Variants in SORCS2 observed in about 807,000 individuals in gnomAD.
The protein encoded by SORCS2 is VPS10 domain-containing receptor SorCS2.
A neutral mutation model predicts 141.6 loss-of-function variants in SORCS2; 100 were observed. That is an observed-to-expected ratio of 0.71 (90% CI 0.60 to 0.83). The LOEUF (loss-of-function observed/expected upper bound fraction) is 0.83. SORCS2 is among the 40% of genes least tolerant of loss of function. The pLI is 0.00. For synonymous variants in SORCS2, 789 were observed against 676.9 expected (o/e 1.17, Z -2.57); for missense variants, 1,646 against 1,560.2 (o/e 1.05, Z -0.93).
chr4:7,696,973 C>T (rs1560491704), intron 11 of SORCS2, among the ~76,000 whole-genome samples: 1 of 152,208 alleles, frequency 6.6e-6, no homozygotes, highest in Non-Finnish European at 1.5e-5. Flanking sequence ...TGTCCCGGGC[C>T]TCTGCTGGAG....
intron 2 of SORCS2, among the ~76,000 whole-genome samples, chr4:7,407,014 T>A (rs1330473655): frequency 6.6e-6 from 1 of 152,158 alleles, no homozygotes. Flanking sequence ...TGTAATTGAT[T>A]TCTAGTTTTA....
intron 2 of SORCS2, among the ~76,000 whole-genome samples, chr4:7,416,970 A>T (rs1256499686): frequency 6.6e-6 from 1 of 151,974 alleles, no homozygotes. Context: ...CCACACACCC[A>T]TGCCTCTGCC....
chr4:7,319,715 A>G (rs149529414), intron 1 of SORCS2, among the ~76,000 whole-genome samples: 6 of 152,280 alleles, frequency 3.9e-5, no homozygotes, highest in African/African-American at 7.2e-5. Context: ...CCCCACCTCT[A>G]AAAAAACAAA....
intron 1 of SORCS2, among the ~76,000 whole-genome samples, chr4:7,203,966 C>A (rs1282601490): frequency 1.3e-5 from 2 of 152,194 alleles, no homozygotes; most frequent in Non-Finnish European, 2.9e-5. Context: ...TGAAGGTTTG[C>A]CCAGGCTGTA....
intron 1 of SORCS2, among the ~76,000 whole-genome samples, chr4:7,366,131 A>G (rs1351259998): frequency 6.6e-6 from 1 of 152,098 alleles, no homozygotes; most frequent in East Asian, 1.9e-4. Flanking sequence ...GGCTCCCCGC[A>G]CATCCCTGCC....
chr4:7,192,981 C>A lies in SORCS2; in HGVS notation c.335C>A (p.Ala112Glu). The A allele has an allele frequency of 7.1e-7, 1 of 1,400,732 alleles. No homozygotes were observed. Among genetic ancestry groups the A allele is most frequent in the South Asian group, 1.5e-5 (1 of 64,702 alleles). The allele number at this position is 1,400,732 out of a possible 1,614,324, so 86.8% of individuals were successfully genotyped here. Reference protein sequence around the residue: ...PGPGEDGAPAAGYRRWERAAP... With the variant: ...PGPGEDGAPAEGYRRWERAAP... ...CCCGGCGAGGACGGCGCCCCCGCCG[C>A]GGGCTACCGGCGCTGGGAGCGGGCG... Residue 112 changes from alanine to glutamate, a missense_variant, in exon 1 of 27, where the codon GCG becomes GAG. Physicochemically the swap from Ala to Glu is moderately radical, Grantham distance 107. Transcript: ENST00000507866. The surrounding 1 kb of genome is among the most constrained non-coding windows in gnomAD (Gnocchi z 4.0).
Position 7,513,358 on chromosome 4 carries a change from G to A in SORCS2, c.549-18172G>A, listed in dbSNP as rs1343451891. Reference sequence around the variant, plus strand: ...TGCCCCCCAACCCTGCAGAGGTGGGGCTGCTGGAAGAAGCTCCCCAGAGGG... The same window carrying A: ...TGCCCCCCAACCCTGCAGAGGTGGGACTGCTGGAAGAAGCTCCCCAGAGGG... On this transcript the variant is annotated intron_variant, in intron 2 of 26. Transcript: ENST00000507866. 2.0e-5 allele frequency among the ~76,000 whole-genome samples: 3 copies of A among 152,218 alleles called. No homozygotes were observed. In the East Asian group the frequency reaches 5.8e-4, roughly 29 times the overall value.
At chr4:7,225,496 T>G (rs545122694) in intron 1 of SORCS2, among the ~76,000 whole-genome samples, 1 of 152,338 alleles carries the variant, frequency 6.6e-6, no homozygotes, top group South Asian at 2.1e-4. Context: ...CTCTCTCTGT[T>G]GTTCTGAACC....
chr4:7,389,130 T>C (rs1399329660), intron 1 of SORCS2, among the ~76,000 whole-genome samples: 1 of 152,176 alleles, frequency 6.6e-6, no homozygotes, highest in Non-Finnish European at 1.5e-5. Context: ...GAACAAATTC[T>C]GTTCCTGCCC....
intron 3 of SORCS2, among the ~76,000 whole-genome samples, chr4:7,564,784 A>G (rs1425714084): frequency 6.6e-6 from 1 of 152,240 alleles, no homozygotes; most frequent in African/African-American, 2.4e-5. Flanking sequence ...CGCTGTTACA[A>G]TGAGTATTAC....
At chr4:7,261,433 G>A (rs1714312904) in intron 1 of SORCS2, among the ~76,000 whole-genome samples, 1 of 152,178 alleles carries the variant, frequency 6.6e-6, no homozygotes, top group South Asian at 2.1e-4. Context: ...CGTGGCCAAG[G>A]CATGAGATTA....
At chr4:7,688,728 T>C (rs764897501) in intron 10 of SORCS2, among the ~76,000 whole-genome samples, 63 of 152,188 alleles carry the variant, frequency 4.1e-4, no homozygotes, top group Admixed American at 2.0e-4. Context: ...TTAGGAAGGC[T>C]GAGCCCAGAG....
At chr4:7,524,585 G>GTT (rs71647611) in intron 2 of SORCS2, among the ~76,000 whole-genome samples, 8 of 144,864 alleles carry the variant, frequency 5.5e-5, no homozygotes, top group Non-Finnish European at 1.1e-4. Flanking sequence ...TGTGGGTTTT[G>GTT]TTTTTTTTTT....
At chr4:7,527,245 G>A (rs1733752929) in intron 2 of SORCS2, among the ~76,000 whole-genome samples, 3 of 152,220 alleles carry the variant, frequency 2.0e-5, no homozygotes, top group African/African-American at 4.8e-5. Flanking sequence ...TCCCACAGAC[G>A]TCCACGTCCT....
chr4:7,606,774 C>T (rs1416632835), intron 3 of SORCS2, among the ~76,000 whole-genome samples: 3 of 151,942 alleles, frequency 2.0e-5, no homozygotes, highest in Non-Finnish European at 2.9e-5. Flanking sequence ...GGGTGGGTGA[C>T]GATGCCATCA....
At chr4:7,364,426 G>C (rs1455515008) in intron 1 of SORCS2, among the ~76,000 whole-genome samples, 1 of 152,188 alleles carries the variant, frequency 6.6e-6, no homozygotes, top group Non-Finnish European at 1.5e-5. Context: ...GCTGGATCCA[G>C]AGTTCTTGCA....
At chr4:7,339,771 G>A (rs530584102) in intron 1 of SORCS2, among the ~76,000 whole-genome samples, 5 of 152,280 alleles carry the variant, frequency 3.3e-5, no homozygotes, top group Non-Finnish European at 7.3e-5. Flanking sequence ...CCCATAAGAG[G>A]GAGAAAGCGA....
intron 1 of SORCS2, among the ~76,000 whole-genome samples, chr4:7,373,478 A>ATATATATATATATATATATTTTT (rs1470691140): frequency 2.7e-5 from 1 of 36,816 alleles, no homozygotes; most frequent in Non-Finnish European, 4.1e-5. Context: ...ATATATATAT[A>ATATATATATATATATATATTTTT]TTTTTTTTTT....
chr4:7,737,300 C>T (rs1712266734), intron 26 of SORCS2, 128 bp downstream of exon 26: 2 of 1,392,026 alleles, frequency 1.4e-6, no homozygotes, highest in Non-Finnish European at 1.9e-6. Context: ...CCCAGCAGCC[C>T]TTGCCAGCGG....
Sources: gnomAD v4.1 joint callset for allele counts (sites outside exome capture counted in the v4.1 genomes callset) on GRCh38, gnomAD v4.1.1 for gene constraint, Gnocchi (gnomAD v3.1) non-coding constraint, MANE v1.5 for transcripts, NCBI Gene and HGNC (gene_info 2026-07-23, HGNC 2026-07-21) for gene names.